Variants in IL34 observed in about 807,000 individuals in gnomAD.
The protein encoded by IL34 is interleukin-34.
Under a neutral mutation model 25.3 loss-of-function variants are expected in IL34, and 17 were observed. That is an observed-to-expected ratio of 0.67 (90% confidence interval 0.46 to 1.01). The LOEUF (loss-of-function observed/expected upper bound fraction) is 1.01. Among genes scored for constraint, IL34 ranks in the 50% least tolerant of loss-of-function variants. The pLI is 0.00. For synonymous variants in IL34, 174 were observed against 140.9 expected (o/e 1.23, Z -1.66); for missense variants, 368 against 312.9 (o/e 1.18, Z -1.33).
At position 70,654,364 on chromosome 16, in the gene IL34, T is replaced by C. The variant is rs2151880847; in HGVS notation, c.29-174T>C. The C allele has an allele frequency of 3.7e-6, 3 of 800,170 alleles. No individual in the cohort carries two copies. In the East Asian group the frequency reaches 8.5e-5, roughly 23 times the overall value. The allele number at this position is 800,170 out of a possible 1,614,324, so 49.6% of individuals were successfully genotyped here. ...GCTAGTGCCTGCCTGACCTTGCTGT[T>C]CTGGAGCCAGACCCCAGGGAAAGCA... On this transcript the variant is annotated intron_variant, in intron 1 of 5. Coordinates refer to ENST00000288098, the MANE Select transcript of IL34 (RefSeq NM_001393494.1).
intron 1 of IL34, among the ~76,000 whole-genome samples, chr16:70,614,644 G>A (rs2051146816): frequency 6.6e-6 from 1 of 152,202 alleles, no homozygotes; most frequent in South Asian, 2.1e-4. Context: ...CCTTATCTTT[G>A]CTCTGCCTAA....
chr16:70,614,597 C>A (rs190856406), intron 1 of IL34, among the ~76,000 whole-genome samples: 15 of 152,356 alleles, frequency 9.8e-5, no homozygotes, highest in Admixed American at 5.2e-4. Context: ...AATGTGCACA[C>A]ACTTGCCTTT....
In IL34 at chr16:70,654,587, G is replaced by A. The variant is rs756497271; in HGVS notation, c.78G>A (p.Met26Ile). Residue 26 changes from methionine to isoleucine, a missense_variant, in exon 2 of 6, where the codon ATG becomes ATA. Physicochemically the swap from Met to Ile is conservative, Grantham distance 10. Transcript: ENST00000288098. ...GVALGNEPLE[M>I]WPLTQNEECT... Reference sequence around the variant, plus strand: ...CCTTGGGGAATGAGCCTTTGGAGATGTGGCCCTTGACGCAGAATGAGGAGT... The same window carrying A: ...CCTTGGGGAATGAGCCTTTGGAGATATGGCCCTTGACGCAGAATGAGGAGT... 7 of 1,613,592 alleles carry A rather than the reference G, an allele frequency of 4.3e-6. No homozygotes were observed. The African/African-American group carries it at 9.3e-5, about 22-fold the overall frequency.
chr16:70,624,083 A>G (rs1396937453), intron 1 of IL34, among the ~76,000 whole-genome samples: 1 of 152,130 alleles, frequency 6.6e-6, no homozygotes, highest in Non-Finnish European at 1.5e-5. Flanking sequence ...GGAGTCAGTC[A>G]GAGAGCCTTG....
chr16:70,605,805 G>C (rs896371563), intron 1 of IL34, among the ~76,000 whole-genome samples: 4 of 151,690 alleles, frequency 2.6e-5, no homozygotes, highest in African/African-American at 7.3e-5. Flanking sequence ...TGAGTAGCCG[G>C]GATTACAGGT....
chr16:70,630,620 C>T (rs184649826), intron 1 of IL34, among the ~76,000 whole-genome samples: 1 of 151,456 alleles, frequency 6.6e-6, no homozygotes, highest in Non-Finnish European at 1.5e-5. Context: ...ATTCTGTCAC[C>T]CAGGCATGAT....
intron 1 of IL34, among the ~76,000 whole-genome samples, chr16:70,613,564 C>G (rs921136858): frequency 3.9e-5 from 6 of 152,148 alleles, no homozygotes; most frequent in African/African-American, 1.4e-4. Context: ...TCTGCAGCAC[C>G]TGGGAGCTTG....
At chr16:70,601,586 G>A (rs1007834275) in intron 1 of IL34, among the ~76,000 whole-genome samples, 6 of 152,176 alleles carry the variant, frequency 3.9e-5, no homozygotes, top group African/African-American at 1.2e-4. Context: ...GTTTAGTAGA[G>A]ACGGGGTTTT....
rs142114605 is a variant in IL34 at position 70,638,202 on chromosome 16, C to T, written c.-400-8346C>T. ...GTTTAAAAACTGGAATCAGACTGGG[C>T]GCGATGGCTCATGCCTGTAACCCCA... On this transcript the variant is annotated intron_variant, in intron 1 of 6. Coordinates refer to the IL34 transcript ENST00000429149. 5.5e-3 allele frequency among the ~76,000 whole-genome samples: 844 copies of T among 152,192 alleles called. 4 individuals carry two copies. Among genetic ancestry groups the T allele is most frequent in the African/African-American group, 0.019 (779 of 41,488 alleles).
chr16:70,604,121 G>T (rs1035534894), intron 1 of IL34, among the ~76,000 whole-genome samples: 1 of 152,170 alleles, frequency 6.6e-6, no homozygotes, highest in Non-Finnish European at 1.5e-5. Flanking sequence ...GTTGCCCATC[G>T]CTTTGGAAGA....
At chr16:70,629,122 A>G (rs1334217840) in intron 1 of IL34, among the ~76,000 whole-genome samples, 1 of 152,144 alleles carries the variant, frequency 6.6e-6, no homozygotes, top group Non-Finnish European at 1.5e-5. Flanking sequence ...TGGATGTTCT[A>G]GATTTATAAT....
chr16:70,590,862 G>C (rs2050745971), intron 1 of IL34, among the ~76,000 whole-genome samples: 1 of 152,136 alleles, frequency 6.6e-6, no homozygotes, highest in African/African-American at 2.4e-5. Flanking sequence ...CTGGCAGTCA[G>C]TTCCTGGGGT....
chr16:70,582,048 C>T (rs183767469), intron 1 of IL34, among the ~76,000 whole-genome samples: 13 of 152,370 alleles, frequency 8.5e-5, no homozygotes, highest in African/African-American at 2.4e-4. Context: ...CCCCTCTTCC[C>T]CAAGCCTGGG....
intron 1 of IL34, among the ~76,000 whole-genome samples, chr16:70,624,727 C>T (rs914070237): frequency 8.6e-5 from 13 of 151,700 alleles, no homozygotes; most frequent in African/African-American, 1.5e-4. Context: ...AGTCACTGAA[C>T]GAAACTATAA....
At chr16:70,601,292 A>G (rs1050319735) in intron 1 of IL34, among the ~76,000 whole-genome samples, 2 of 152,126 alleles carry the variant, frequency 1.3e-5, no homozygotes, top group Non-Finnish European at 2.9e-5. Flanking sequence ...AAAATTGTAG[A>G]GACAGGGTCT....
At chr16:70,638,465 G>T (rs1275351495) in intron 1 of IL34, among the ~76,000 whole-genome samples, 1 of 151,934 alleles carries the variant, frequency 6.6e-6, no homozygotes, top group Non-Finnish European at 1.5e-5. Flanking sequence ...AAGAAAAAAA[G>T]AAAAGAACTG....
At chr16:70,651,823 A>G (rs536581692) in intron 1 of IL34, among the ~76,000 whole-genome samples, 1 of 152,014 alleles carries the variant, frequency 6.6e-6, no homozygotes, top group Admixed American at 6.6e-5. Context: ...CATATGGATT[A>G]TAGAACATAA....
Position 70,614,185 on chromosome 16 carries a change from A to G in IL34, c.-400-32363A>G, listed in dbSNP as rs576055528. Among the ~76,000 whole-genome samples the G allele has an allele frequency of 8.2e-3, 1,215 of 147,790 alleles. 19 individuals carry two copies. The highest frequency in any genetic ancestry group is 0.028 in the African/African-American group (1,146 of 40,694). The stretch of plus-strand genomic sequence containing the variant: ...GGCAATGGAGCAAAACCCTGTCTCA[A>G]AAAAAAAAAAAAAGAAGTGCAGTAT... On this transcript the variant is annotated intron_variant, in intron 1 of 6. Transcript: ENST00000429149.
At chr16:70,610,705 G>C (rs1013912975) in intron 1 of IL34, among the ~76,000 whole-genome samples, 1 of 152,220 alleles carries the variant, frequency 6.6e-6, no homozygotes, top group African/African-American at 2.4e-5. Context: ...GAGCTGACAA[G>C]AAGAAACCAG....
Sources: gnomAD v4.1 joint callset for allele counts (sites outside exome capture counted in the v4.1 genomes callset) on GRCh38, gnomAD v4.1.1 for gene constraint, MANE v1.5 for transcripts, NCBI Gene and HGNC (gene_info 2026-07-23, HGNC 2026-07-21) for gene names.